MACROD2: variants seen among roughly 807,000 people sequenced by gnomAD.
MACROD2 encodes the protein mono-ADP ribosylhydrolase 2.
Under a neutral mutation model 70.4 loss-of-function variants are expected in MACROD2, and 36 were observed. The observed-to-expected ratio is 0.51, with a 90% CI of 0.39 to 0.68. MACROD2 has a LOEUF of 0.68. Among genes scored for constraint, MACROD2 ranks in the 30% least tolerant of loss-of-function variants. The pLI is 0.00. For missense variants in MACROD2, 496 were observed against 538.4 expected (o/e 0.92, Z 0.78); for synonymous variants, 172 against 178.8 (o/e 0.96, Z 0.30).
At chr20:15,470,906 T>C (rs2046956116) in intron 7 of MACROD2, among the ~76,000 whole-genome samples, 1 of 152,178 alleles carries the variant, frequency 6.6e-6, no homozygotes, top group Non-Finnish European at 1.5e-5. Context: ...CTTTGCCTTC[T>C]CTCAGTCCTT....
chr20:14,413,208 T>C (rs1403565549), intron 3 of MACROD2, among the ~76,000 whole-genome samples: 1 of 145,480 alleles, frequency 6.9e-6, no homozygotes, highest in Non-Finnish European at 1.5e-5. Context: ...TTTTTTTTTG[T>C]CTCCTTAAAT....
chr20:15,607,905 G>A lies in MACROD2; in HGVS notation c.645+108058G>A, dbSNP rs532510709. On this transcript the variant is annotated intron_variant, in intron 8 of 17. Coordinates refer to ENST00000684519, the MANE Select transcript of MACROD2 (RefSeq NM_001351661.2). ...ATACATTAATTCAGATGGTATAAATGTTTGCTAACTAAAATCAATATCCAG... is the reference window on the plus strand; with the variant it reads ...ATACATTAATTCAGATGGTATAAATATTTGCTAACTAAAATCAATATCCAG... 7.3e-4 allele frequency among the ~76,000 whole-genome samples: 111 copies of A among 152,282 alleles called. 3 individuals are homozygous for A. In the South Asian group the frequency reaches 0.022, roughly 30 times the overall value.
At chr20:14,215,186 A>G (rs575167764) in intron 3 of MACROD2, among the ~76,000 whole-genome samples, 2 of 150,652 alleles carry the variant, frequency 1.3e-5, no homozygotes, top group African/African-American at 2.4e-5. Context: ...TCCATCATAT[A>G]TATTCCATCA....
chr20:14,669,446 C>A (rs1470962735), intron 4 of MACROD2, among the ~76,000 whole-genome samples: 3 of 143,350 alleles, frequency 2.1e-5, no homozygotes, highest in Non-Finnish European at 4.4e-5. Context: ...TATCATCTTA[C>A]CTAAAGCCAT....
intron 5 of MACROD2, among the ~76,000 whole-genome samples, chr20:14,953,233 G>A (rs1292569763): frequency 3.3e-5 from 5 of 152,140 alleles, no homozygotes; most frequent in Admixed American, 2.6e-4. Flanking sequence ...TCCATAAAGT[G>A]TGAAAGGTTC....
chr20:15,775,619 G>A (rs553013895), intron 8 of MACROD2, among the ~76,000 whole-genome samples: 27 of 152,164 alleles, frequency 1.8e-4, no homozygotes, highest in Non-Finnish European at 2.4e-4. Flanking sequence ...TTTATTTTCC[G>A]TTTACATATG....
At chr20:15,836,052 A>T (rs565898856) in intron 8 of MACROD2, among the ~76,000 whole-genome samples, 3 of 151,598 alleles carry the variant, frequency 2.0e-5, no homozygotes. Context: ...CCATTTCCAC[A>T]TGGGACCCCA....
At chr20:14,797,532 G>A (rs1276646276) in intron 5 of MACROD2, among the ~76,000 whole-genome samples, 4 of 151,918 alleles carry the variant, frequency 2.6e-5, no homozygotes, top group Non-Finnish European at 4.4e-5. Flanking sequence ...ATCTGCTAAG[G>A]ATGCTCTTCC....
chr20:15,940,180 G>A (rs983910516), intron 12 of MACROD2, among the ~76,000 whole-genome samples: 10 of 151,850 alleles, frequency 6.6e-5, no homozygotes, highest in Non-Finnish European at 1.3e-4. Context: ...TGCAACCTCC[G>A]CCTCCCAGGT....
intron 5 of MACROD2, among the ~76,000 whole-genome samples, chr20:14,862,229 A>G (rs1349551896): frequency 2.2e-5 from 1 of 44,524 alleles, no homozygotes; most frequent in African/African-American, 8.6e-5. Flanking sequence ...ATAAATATAT[A>G]TAAATATATA....
intron 5 of MACROD2, among the ~76,000 whole-genome samples, chr20:14,877,434 G>A (rs1439706677): frequency 6.6e-6 from 1 of 151,926 alleles, no homozygotes; most frequent in Non-Finnish European, 1.5e-5. Context: ...CTATTTGGAT[G>A]CCTTTTATTT....
intron 7 of MACROD2, among the ~76,000 whole-genome samples, chr20:15,474,204 A>G (rs1431395497): frequency 1.3e-5 from 2 of 152,252 alleles, no homozygotes; most frequent in East Asian, 3.8e-4. Flanking sequence ...ACATTTTATC[A>G]TAAATCATTT....
At chr20:14,162,487 T>C (rs2209017) in intron 3 of MACROD2, among the ~76,000 whole-genome samples, 146,888 of 152,182 alleles carry the variant, frequency 0.97, 70,911 homozygotes, top group Middle Eastern at 0.99. Context: ...ATTATTATAC[T>C]GAAGTCTTTC....
chr20:15,196,315 A>G (rs199304), intron 5 of MACROD2, among the ~76,000 whole-genome samples: 30,055 of 151,938 alleles, frequency 0.2, 3,344 homozygotes, highest in African/African-American at 0.31. Flanking sequence ...TAACATACAA[A>G]TATAACAAGA....
chr20:15,838,611 G>C (rs1245086776), intron 8 of MACROD2, among the ~76,000 whole-genome samples: 1 of 152,150 alleles, frequency 6.6e-6, no homozygotes, highest in Non-Finnish European at 1.5e-5. Context: ...GTTGAGAAGA[G>C]ATTGACCAGT....
chr20:15,607,947 G>A (rs200736), intron 8 of MACROD2, among the ~76,000 whole-genome samples: 84,880 of 152,106 alleles, frequency 0.56, 25,928 homozygotes, highest in African/African-American at 0.84. Context: ...AATTCAAGAA[G>A]TGTCATCTGA....
chr20:16,010,575 G>A (rs1416177180), intron 15 of MACROD2, among the ~76,000 whole-genome samples: 2 of 152,114 alleles, frequency 1.3e-5, no homozygotes, highest in African/African-American at 4.8e-5. Context: ...ACTGCTTTGG[G>A]CTTTATCCTC....
At chr20:14,021,940 G>A (rs1211468730) in intron 2 of MACROD2, among the ~76,000 whole-genome samples, 1 of 152,170 alleles carries the variant, frequency 6.6e-6, no homozygotes, top group Non-Finnish European at 1.5e-5. Context: ...GAAGGACTGA[G>A]TTGGAGGCTG....
At chr20:14,709,318 A>G (rs1044626366) in intron 5 of MACROD2, among the ~76,000 whole-genome samples, 1 of 152,088 alleles carries the variant, frequency 6.6e-6, no homozygotes, top group Non-Finnish European at 1.5e-5. Context: ...GTTGTAAAAG[A>G]CACCTAGAGG....
Sources: gnomAD v4.1 joint callset for allele counts (sites outside exome capture counted in the v4.1 genomes callset) on GRCh38, gnomAD v4.1.1 for gene constraint, MANE v1.5 for transcripts, NCBI Gene and HGNC (gene_info 2026-07-23, HGNC 2026-07-21) for gene names.